The following PARP10 variants were observed in gnomAD, a reference collection of about 807,000 sequenced individuals.
The protein encoded by PARP10 is protein mono-ADP-ribosyltransferase PARP10.
Under a neutral mutation model 82.4 loss-of-function variants are expected in PARP10, and 56 were observed. The observed-to-expected ratio is 0.68, with a 90% CI of 0.55 to 0.85. The LOEUF is 0.85. Ranked by LOEUF, PARP10 falls within the 40% of genes least tolerant of loss-of-function variation. The pLI, the probability that PARP10 is intolerant of heterozygous loss-of-function variation, is 0.00. For synonymous variants in PARP10, 576 were observed against 601.1 expected, an observed-to-expected ratio of 0.96 and a Z score of 0.61; for missense variants, 1,227 against 1,379.4, an observed-to-expected ratio of 0.89 and a Z score of 1.75.
intron 9 of PARP10, among the ~76,000 whole-genome samples, chr8:143,980,563 G>A (rs984305954): frequency 8.0e-5 from 12 of 150,522 alleles, no homozygotes; most frequent in African/African-American, 2.9e-4. Context: ...ATATATAAAT[G>A]TATATGTTTA....
rs1834249500 is a variant in PARP10 at position 144,008,448 on chromosome 8, CTG to C, written c.-80+4080_-80+4081del. On this transcript the variant is annotated intron_variant, in intron 1 of 3. Coordinates refer to the PARP10 transcript ENST00000530478. The surrounding 1 kb of genome is among the most constrained non-coding windows in gnomAD (Gnocchi z 4.0). ...TGAGGCAAATTTGAATGGGGACAAA[CTG>C]TGCAAAAGCCAGTGACCCAAGACGG... Among the ~76,000 whole-genome samples, 1 of 152,354 alleles carries C rather than the reference CTG, an allele frequency of 6.6e-6. No individual in the cohort carries two copies. Among genetic ancestry groups the C allele is most frequent in the Admixed American group, 6.5e-5 (1 of 15,312 alleles).
rs782116682 is a variant in PARP10, at chr8:143,983,250, C to T, written c.2339G>A (p.Arg780His). 42 of 1,613,062 alleles carry T rather than the reference C, an allele frequency of 2.6e-5. No individual in the cohort carries two copies. The highest frequency in any genetic ancestry group is 1.6e-4 in the East Asian group (7 of 44,886). ...ILRGFGAHPA[R>H]AARHLVALLA... is the part of the protein sequence containing the mutation. ...AAGTGCCACCAAGTGGCGGGCAGCA[C>T]GGGCAGGGTGGGCCCCGAAGCCACG... Residue 780 changes from arginine to histidine, a missense_variant, in exon 8 of 11, where the codon CGT becomes CAT. Arg to His is a conservative substitution (Grantham distance 29). Coordinates refer to ENST00000313028, the MANE Select transcript of PARP10 (RefSeq NM_032789.5).
At chr8:143,988,053 C>T (rs1554749768), upstream of PARP10, among the ~76,000 whole-genome samples, 3 of 151,264 alleles carry the variant, frequency 2.0e-5, no homozygotes, top group African/African-American at 7.3e-5. Context: ...GCCACTCCTG[C>T]CTCAGTAGCC....
chr8:144,011,139 G>A lies in PARP10; in HGVS notation c.-80+1391C>T, dbSNP rs540812884. On this transcript the variant is annotated intron_variant, in intron 1 of 3. Coordinates refer to the PARP10 transcript ENST00000530478. The surrounding 1 kb of genome is among the most constrained non-coding windows in gnomAD (Gnocchi z 4.5). ...CTGGACACTATAGCCTCACAAAATT[G>A]ACACATAAAATGTAACCATCACTGA... is the stretch of plus-strand genomic sequence containing the variant. Among the ~76,000 whole-genome samples the A allele has an allele frequency of 5.9e-5, 9 of 152,020 alleles. No homozygotes were observed. The highest frequency in any genetic ancestry group is 2.2e-4 in the African/African-American group (9 of 41,470).
chr8:144,005,009 T>A (rs967248953), intron 1 of PARP10, among the ~76,000 whole-genome samples: 1 of 151,902 alleles, frequency 6.6e-6, no homozygotes, highest in Non-Finnish European at 1.5e-5. Context: ...TGAAACCCCA[T>A]CTCTTTTAAA....
At position 143,985,816 on chromosome 8, in the gene PARP10, C is replaced by T. The variant is rs782581348; in HGVS notation, c.341G>A (p.Arg114Gln). The stretch of plus-strand genomic sequence containing the variant: ...AGGCTGTACTGGGAGCCCCGAGGCC[C>T]GCAGCAAGGCCTGGACATGCTGCTC... The part of the protein sequence containing the change: ...RLEQHVQALL[R>Q]ASGLPVQPCC... The change falls in exon 3 of 11, where the codon CGG becomes CAG. Residue 114 changes from arginine to glutamine, a missense_variant. Coordinates refer to ENST00000313028, the MANE Select transcript of PARP10 (RefSeq NM_032789.5). 1.9e-6 allele frequency: 3 copies of T among 1,611,792 alleles called. No individual in the cohort carries two copies. The highest frequency in any genetic ancestry group is 1.7e-6 in the Non-Finnish European group (2 of 1,179,564).
chr8:143,981,397 G>A (rs1833855268), intron 9 of PARP10, among the ~76,000 whole-genome samples: 1 of 87,874 alleles, frequency 1.1e-5, no homozygotes, highest in African/African-American at 4.6e-5. Context: ...TGATGGTGAT[G>A]ATGGTGGTGA....
intron 1 of PARP10, among the ~76,000 whole-genome samples, chr8:144,000,383 C>T (rs868949283): frequency 2.6e-5 from 4 of 152,254 alleles, no homozygotes; most frequent in Middle Eastern, 3.4e-3. Flanking sequence ...CTACCAGAAG[C>T]AAGGAGAGAG....
chr8:144,006,624 C>T (rs542984091), intron 1 of PARP10, among the ~76,000 whole-genome samples: 1 of 152,130 alleles, frequency 6.6e-6, no homozygotes, highest in East Asian at 1.9e-4. Context: ...ATGTTTGTGT[C>T]CCCCCTCAAA....
Position 143,984,589 on chromosome 8 carries a change from G to A in PARP10, c.1413C>T (p.Asp471=), listed in dbSNP as rs370204504. The change falls in exon 5 of 11, where the codon GAC becomes GAT. Residue 471 remains aspartate, a synonymous_variant. Transcript: ENST00000313028. The stretch of plus-strand genomic sequence containing the variant: ...GTCCTTCAAGTGGCAAGAGAGCGAC[G>A]TCTCCCAGGCCCGCAAGAAGGTCCT... The part of the protein sequence containing the change: ...YHEDLLAGLG[D]VALLPLEGPD... The A allele has an allele frequency of 4.2e-5, 67 of 1,613,616 alleles. No individual in the cohort carries two copies. In the African/African-American group the frequency reaches 5.9e-4, roughly 14 times the overall value.
rs199910383 is a variant in PARP10 at position 143,985,971 on chromosome 8, G to T, written c.186C>A (p.Ala62=). The T allele has an allele frequency of 1.3e-6, 2 of 1,590,836 alleles. No homozygotes were observed. The highest frequency in any genetic ancestry group is 1.1e-5 in the South Asian group (1 of 89,346). The change falls in exon 3 of 11, where the codon GCC becomes GCA. Residue 62 remains alanine (A), a synonymous_variant. Transcript: ENST00000313028. The part of the protein sequence containing the change: ...GVLTFREPAD[A]ERVLAQADHE... The stretch of plus-strand genomic sequence containing the variant: ...GATCTGCCTGGGCCAAGACCCTCTC[G>T]GCGTCTGTGGGCAGGGGCGGGGCAG...
intron 7 of PARP10, 96 bp from the exon 8 acceptor site, chr8:143,983,907 GC>G: frequency 1.3e-6 from 2 of 1,491,882 alleles, no homozygotes; most frequent in Non-Finnish European, 9.0e-7. Flanking sequence ...TACAGGGTGG[GC>G]CTAAGATGGG....
upstream of PARP10, chr8:143,993,299 G>T (rs9100): frequency 0.42 from 80,766 of 191,484 alleles, 18,479 homozygotes; most frequent in African/African-American, 0.59. Context: ...CGGAGTGGGG[G>T]TCTTATCCCT....
At chr8:143,998,452 T>C (rs1834178027) in intron 1 of PARP10, among the ~76,000 whole-genome samples, 1 of 152,196 alleles carries the variant, frequency 6.6e-6, no homozygotes, top group Admixed American at 6.5e-5. Context: ...CAATTTTTTA[T>C]AGACAACACT....
rs782375654 is a variant in PARP10, at chr8:143,977,703, G to A, written c.2859C>T (p.Tyr953=). ...VFVARVLTGD[Y]GQGRRGLRAP... The stretch of plus-strand genomic sequence containing the variant: ...CCCGCAGACCGCGGCGGCCCTGCCC[G>A]TAGTCGCCAGTCAGCACCCGTGCCA... The change falls in exon 11 of 11, where the codon TAC becomes TAT. Residue 953 remains tyrosine, a synonymous_variant. Transcript: ENST00000313028. The A allele has an allele frequency of 1.6e-5, 26 of 1,592,872 alleles. 2 individuals are homozygous for A. In the South Asian group the frequency reaches 2.8e-4, roughly 17 times the overall value.
chr8:143,999,739 G>C (rs1365779287), intron 1 of PARP10, among the ~76,000 whole-genome samples: 1 of 151,554 alleles, frequency 6.6e-6, no homozygotes, highest in East Asian at 1.9e-4. Context: ...GCACTGGCTC[G>C]AATTGAGCTT....
Position 143,985,986 on chromosome 8 carries a change from G to C in PARP10, c.182-11C>G, listed in dbSNP as rs781858134. ...AGACCCTCTCGGCGTCTGTGGGCAGGGGCGGGGCAGGATGTCAGGCATTAG... is the reference window on the plus strand; with the variant it reads ...AGACCCTCTCGGCGTCTGTGGGCAGCGGCGGGGCAGGATGTCAGGCATTAG... On this transcript the variant is annotated splice_polypyrimidine_tract_variant and intron_variant, in intron 2 of 10. Transcript: ENST00000313028. 6.3e-7 allele frequency: 1 copy of C among 1,594,944 alleles called. No individual in the cohort carries two copies. Among genetic ancestry groups the C allele is most frequent in the Non-Finnish European group, 8.6e-7 (1 of 1,166,468 alleles).
Position 143,985,651 on chromosome 8 carries a change from G to GT in PARP10, c.437-4dup. 2 of 1,612,666 alleles carry GT rather than the reference G, an allele frequency of 1.2e-6. No homozygotes were observed. The highest frequency in any genetic ancestry group is 1.7e-6 in the Non-Finnish European group (2 of 1,179,594). ...CTGCTCCTCCAGGACACGGACATCT[G>GT]TGGGGTATGTGCAGGTCAGCTCAGG... is the stretch of plus-strand genomic sequence containing the variant. On this transcript the variant is annotated splice_region_variant and splice_polypyrimidine_tract_variant and intron_variant, in intron 3 of 10. Transcript: ENST00000313028.
At chr8:144,003,771 A>G (rs1246693965) in intron 1 of PARP10, among the ~76,000 whole-genome samples, 4 of 152,188 alleles carry the variant, frequency 2.6e-5, no homozygotes, top group African/African-American at 9.7e-5. Flanking sequence ...CACAGCTACA[A>G]TCTCAGCATT....
Sources: allele counts gnomAD v4.1 joint callset (sites outside exome capture counted in the v4.1 genomes callset), GRCh38; gene constraint gnomAD v4.1.1; non-coding constraint Gnocchi (gnomAD v3.1); transcripts MANE v1.5; gene names NCBI Gene and HGNC (gene_info 2026-07-23, HGNC 2026-07-21).